Variants in CAST observed in about 807,000 individuals in gnomAD.
The protein encoded by CAST is MIR583 host.
CAST carries 76 observed loss-of-function variants against 119.6 expected under a neutral mutation model. The ratio of observed to expected loss-of-function variants is 0.64; its 90% confidence interval spans 0.53 to 0.77. The LOEUF (loss-of-function observed/expected upper bound fraction) is 0.77. Among genes scored for constraint, CAST ranks in the 30% least tolerant of loss-of-function variants. The probability of loss-of-function intolerance (pLI) is 0.00; values close to 1 mark genes in which losing one functional copy is unlikely to be tolerated. For synonymous variants in CAST, 319 were observed against 331.6 expected, an observed-to-expected ratio of 0.96 and a Z score of 0.41; for missense variants, 953 against 946.5, an observed-to-expected ratio of 1.01 and a Z score of -0.09.
At chr5:96,562,378 A>G (rs904386909) in intron 1 of CAST, among the ~76,000 whole-genome samples, 1 of 152,228 alleles carries the variant, frequency 6.6e-6, no homozygotes, top group Non-Finnish European at 1.5e-5. Flanking sequence ...TGTATGAAAA[A>G]AATGCTAAAT....
the CAST span, among the ~76,000 whole-genome samples, chr5:95,981,162 A>C: frequency 1.1e-4 from 17 of 152,182 alleles, no homozygotes; most frequent in Admixed American, 1.0e-3. Context: ...GGCTCCAAGC[A>C]CCCTGTGTAT....
intron 1 of CAST, among the ~76,000 whole-genome samples, chr5:96,551,428 T>C (rs1241066204): frequency 6.6e-6 from 1 of 151,916 alleles, no homozygotes; most frequent in African/African-American, 2.4e-5. Context: ...GCATGAAACA[T>C]GGAAAGGAAC....
chr5:95,976,151 C>T, the CAST span, among the ~76,000 whole-genome samples: 6,353 of 151,346 alleles, frequency 0.042, 223 homozygotes, highest in African/African-American at 0.086. Flanking sequence ...CAAATACAAA[C>T]AATCAAAATC....
the CAST span, among the ~76,000 whole-genome samples, chr5:96,262,757 G>A: frequency 2.0e-5 from 3 of 151,996 alleles, no homozygotes; most frequent in Non-Finnish European, 2.9e-5. Flanking sequence ...AGACGGTCTC[G>A]ATCTCCTGAC....
intron 1 of CAST, among the ~76,000 whole-genome samples, chr5:96,651,450 C>G (rs550525665): frequency 7.4e-4 from 113 of 152,174 alleles, no homozygotes; most frequent in Non-Finnish European, 1.4e-3. Flanking sequence ...TTTCAGAAAT[C>G]CTACTGGATA....
At chr5:96,033,901 A>G in the CAST span, among the ~76,000 whole-genome samples, 1 of 152,204 alleles carries the variant, frequency 6.6e-6, no homozygotes, top group Non-Finnish European at 1.5e-5. Context: ...CAAACTATGT[A>G]TCTGATAAGG....
chr5:96,004,895 G>C, the CAST span, among the ~76,000 whole-genome samples: 1 of 152,028 alleles, frequency 6.6e-6, no homozygotes, highest in African/African-American at 2.4e-5. Context: ...AAAAATCTCA[G>C]CTCCCTAGGA....
chr5:96,388,203 A>G, the CAST span, among the ~76,000 whole-genome samples: 1 of 152,246 alleles, frequency 6.6e-6, no homozygotes, highest in Non-Finnish European at 1.5e-5. Flanking sequence ...TGGGCGCATA[A>G]TGACTTCAGT....
intron 1 of CAST, among the ~76,000 whole-genome samples, chr5:96,546,806 A>G (rs1298348581): frequency 6.6e-6 from 1 of 152,208 alleles, no homozygotes; most frequent in Non-Finnish European, 1.5e-5. Flanking sequence ...TAGTTCTCAC[A>G]TGTCTTCCTA....
At chr5:96,327,372 T>C in the CAST span, among the ~76,000 whole-genome samples, 1 of 152,202 alleles carries the variant, frequency 6.6e-6, no homozygotes, top group African/African-American at 2.4e-5. Flanking sequence ...GATTCCTCCT[T>C]CAAAGATAAA....
chr5:96,436,818 AAGATACACCTGCC>A, the CAST span, among the ~76,000 whole-genome samples: 1 of 152,222 alleles, frequency 6.6e-6, no homozygotes, highest in African/African-American at 2.4e-5. Context: ...TTACCACTTA[AAGATACACCTGCC>A]AGAAGTCCCT....
intron 1 of CAST, among the ~76,000 whole-genome samples, chr5:96,674,382 T>C (rs1272948944): frequency 6.6e-6 from 1 of 151,678 alleles, no homozygotes; most frequent in Non-Finnish European, 1.5e-5. Flanking sequence ...ATCTAGGTTA[T>C]GATTCTGCTT....
upstream of CAST, among the ~76,000 whole-genome samples, chr5:96,661,563 T>G (rs890848474): frequency 2.0e-5 from 3 of 152,172 alleles, no homozygotes; most frequent in Non-Finnish European, 4.4e-5. Flanking sequence ...CAGGCCTGAT[T>G]GTGAACCAGC....
the CAST span, among the ~76,000 whole-genome samples, chr5:96,059,557 C>T: frequency 6.6e-6 from 1 of 152,054 alleles, no homozygotes; most frequent in Non-Finnish European, 1.5e-5. Flanking sequence ...TCCAAAATGA[C>T]CTTGATACCT....
At chr5:96,426,525 G>A in the CAST span, among the ~76,000 whole-genome samples, 3 of 152,168 alleles carry the variant, frequency 2.0e-5, no homozygotes, top group South Asian at 2.1e-4. Flanking sequence ...TACTGACCAC[G>A]CACACTTACC....
At chr5:96,476,480 G>A in the CAST span, among the ~76,000 whole-genome samples, 1 of 152,110 alleles carries the variant, frequency 6.6e-6, no homozygotes, top group Non-Finnish European at 1.5e-5. Context: ...AAAATATTTA[G>A]GCAGAACTGT....
the CAST span, among the ~76,000 whole-genome samples, chr5:96,401,529 A>G: frequency 6.6e-6 from 1 of 152,218 alleles, no homozygotes; most frequent in Admixed American, 6.5e-5. Context: ...AGTCTTAGTA[A>G]GATTAATTTA....
intron 1 of CAST, among the ~76,000 whole-genome samples, chr5:96,623,516 T>C (rs1288739798): frequency 1.3e-5 from 2 of 152,158 alleles, no homozygotes; most frequent in Non-Finnish European, 2.9e-5. Context: ...AGAGTGAAGA[T>C]TATGGTCTTA....
the CAST span, among the ~76,000 whole-genome samples, chr5:96,285,310 G>C: frequency 1.3e-5 from 2 of 152,128 alleles, no homozygotes; most frequent in South Asian, 4.1e-4. Context: ...GATAAGTAGT[G>C]TGAAGAAAAA....
Sources: gnomAD v4.1 joint callset for allele counts (sites outside exome capture counted in the v4.1 genomes callset) on GRCh38, gnomAD v4.1.1 for gene constraint, MANE v1.5 for transcripts, NCBI Gene and HGNC (gene_info 2026-07-23, HGNC 2026-07-21) for gene names.